SLC66A3: variants seen among roughly 807,000 people sequenced by gnomAD.
SLC66A3 encodes PQ loop repeat containing 3.
A neutral mutation model predicts 25.5 loss-of-function variants in SLC66A3; 23 were observed. The ratio of observed to expected loss-of-function variants is 0.90; its 90% confidence interval spans 0.65 to 1.28. The LOEUF (loss-of-function observed/expected upper bound fraction) is 1.28, where lower values mean the gene tolerates loss of function less well. SLC66A3 is among the 50% of genes most tolerant of loss of function. SLC66A3 has a pLI of 0.00. For synonymous variants in SLC66A3, 108 were observed against 112.6 expected, an observed-to-expected ratio of 0.96 and a Z score of 0.26; for missense variants, 246 against 262.1, an observed-to-expected ratio of 0.94 and a Z score of 0.42.
intron 5 of SLC66A3, among the ~76,000 whole-genome samples, chr2:11,172,521 T>C (rs1198711736): frequency 6.6e-6 from 1 of 152,238 alleles, no homozygotes; most frequent in Non-Finnish European, 1.5e-5. Flanking sequence ...TTACAAAAAC[T>C]ACCTAAAATA....
intron 1 of SLC66A3, among the ~76,000 whole-genome samples, chr2:11,158,827 AG>A (rs1276433629): frequency 6.7e-6 from 1 of 148,346 alleles, no homozygotes; most frequent in Non-Finnish European, 1.5e-5. Context: ...TCAAAAAAAA[AG>A]AAACATTAAA....
chr2:11,177,474 G>A (rs10432407), intron 6 of SLC66A3, among the ~76,000 whole-genome samples: 5 of 149,454 alleles, frequency 3.3e-5, no homozygotes, highest in South Asian at 2.1e-4. Context: ...AAAAAAAAAA[G>A]TTAAAAGTTA....
intron 4 of SLC66A3, among the ~76,000 whole-genome samples, chr2:11,169,420 G>A (rs1452694991): frequency 6.6e-6 from 1 of 152,098 alleles, no homozygotes; most frequent in African/African-American, 2.4e-5. Flanking sequence ...CAAGGCCAGC[G>A]GCTTTCATTC....
chr2:11,164,295 A>G (rs1376645243), intron 4 of SLC66A3, 34 bp downstream of exon 4: 2 of 1,110,960 alleles, frequency 1.8e-6, no homozygotes, highest in Admixed American at 5.2e-5. Flanking sequence ...AGTAGGAGGA[A>G]TAAGCTACCT....
At chr2:11,159,533 T>C (rs1392555931) in intron 1 of SLC66A3, among the ~76,000 whole-genome samples, 1 of 152,204 alleles carries the variant, frequency 6.6e-6, no homozygotes, top group Admixed American at 6.5e-5. Flanking sequence ...AGTTGTGCAC[T>C]GTCAGAAACA....
chr2:11,168,437 T>C (rs1000360592), intron 4 of SLC66A3, among the ~76,000 whole-genome samples: 1 of 152,182 alleles, frequency 6.6e-6, no homozygotes, highest in Non-Finnish European at 1.5e-5. Context: ...CCAACACTAC[T>C]TCAGGACTGT....
At chr2:11,157,036 C>T (rs1661930736) in intron 1 of SLC66A3, among the ~76,000 whole-genome samples, 1 of 152,184 alleles carries the variant, frequency 6.6e-6, no homozygotes, top group African/African-American at 2.4e-5. Flanking sequence ...AAGCTGGACC[C>T]ATGAAGGAAA....
chr2:11,164,137 A>G (rs1662220866), intron 3 of SLC66A3, 67 bp from the exon 4 acceptor site: 7 of 950,864 alleles, frequency 7.4e-6, no homozygotes, highest in Non-Finnish European at 9.9e-6. Context: ...CTTGGTTTGT[A>G]TATGTGAGAT....
At chr2:11,167,813 G>A (rs1572187911) in intron 4 of SLC66A3, among the ~76,000 whole-genome samples, 2 of 152,232 alleles carry the variant, frequency 1.3e-5, no homozygotes, top group Admixed American at 1.3e-4. Flanking sequence ...AGAGAGGAGC[G>A]GGTGCTGCTT....
intron 5 of SLC66A3, 113 bp from the exon 6 acceptor site, chr2:11,174,855 T>G: frequency 1.7e-6 from 1 of 589,630 alleles, no homozygotes; most frequent in Non-Finnish European, 2.8e-6. Flanking sequence ...ATAAAAATAA[T>G]TTAAAAATAA....
chr2:11,168,091 T>C (rs534113660), intron 4 of SLC66A3, among the ~76,000 whole-genome samples: 21 of 152,164 alleles, frequency 1.4e-4, no homozygotes, highest in African/African-American at 3.1e-4. Flanking sequence ...CCATCCTGGC[T>C]AACACGGTGA....
rs769389761 is a variant in SLC66A3, at chr2:11,160,493, T to C, written c.171T>C (p.Cys57=). The C allele has an allele frequency of 6.2e-7, 1 of 1,614,124 alleles. No homozygotes were observed. The highest frequency in any genetic ancestry group is 8.5e-7 in the Non-Finnish European group (1 of 1,180,026). Residue 57 remains cysteine (C), a synonymous_variant, in exon 2 of 7, where the codon TGT becomes TGC. Coordinates refer to ENST00000295083, the MANE Select transcript of SLC66A3 (RefSeq NM_152391.5). ...AGFLVFLRYQ[C]YYGYPPLTYL... is the part of the protein sequence containing the mutation. ...TCCTGGTGTTTCTGCGGTACCAGTG[T>C]TACTATGGGTATCCGCCGCTGACCT... is the stretch of plus-strand genomic sequence containing the variant.
intron 4 of SLC66A3, among the ~76,000 whole-genome samples, chr2:11,165,616 C>T (rs1172736529): frequency 1.6e-4 from 24 of 152,162 alleles, no homozygotes; most frequent in African/African-American, 5.8e-4. Context: ...GACGGGGTGT[C>T]GGCCGGGCAG....
intron 6 of SLC66A3, among the ~76,000 whole-genome samples, chr2:11,175,350 G>T (rs183967885): frequency 2.0e-5 from 3 of 152,380 alleles, no homozygotes; most frequent in Admixed American, 2.0e-4. Context: ...CATCTAAGGA[G>T]AACCTGGCCT....
chr2:11,160,595 C>A, intron 2 of SLC66A3, 30 bp from the exon 3 acceptor site: 2 of 1,614,126 alleles, frequency 1.2e-6, no homozygotes, highest in South Asian at 1.1e-5. Context: ...GTCTCCCCTT[C>A]CCCCCTCACT....
At chr2:11,159,438 G>A (rs941820965) in intron 1 of SLC66A3, among the ~76,000 whole-genome samples, 1 of 152,154 alleles carries the variant, frequency 6.6e-6, no homozygotes, top group African/African-American at 2.4e-5. Flanking sequence ...GGGCACGGTG[G>A]GGGCCCGCAC....
At position 11,164,566 on chromosome 2, in the gene SLC66A3, T is replaced by C. The variant is rs1310074978; in HGVS notation, c.354+305T>C. Among the ~76,000 whole-genome samples, 5 of 151,424 alleles carry C rather than the reference T, an allele frequency of 3.3e-5. No homozygotes were observed. The South Asian group carries it at 6.3e-4, about 19-fold the overall frequency. On this transcript the variant is annotated intron_variant, in intron 4 of 6. Transcript: ENST00000295083. ...TTTTTTTTTTAGTATTTATTGTTAT[T>C]CTTGGGTGTTTCTTGCAGAGGGGGA...
At chr2:11,165,254 A>G (rs1014654253) in intron 4 of SLC66A3, among the ~76,000 whole-genome samples, 6 of 133,962 alleles carry the variant, frequency 4.5e-5, no homozygotes, top group Non-Finnish European at 8.0e-5. Flanking sequence ...GGGGCTCCTC[A>G]CTTCTCAGAG....
intron 4 of SLC66A3, among the ~76,000 whole-genome samples, chr2:11,166,236 G>T (rs1485554264): frequency 6.6e-6 from 1 of 152,150 alleles, no homozygotes; most frequent in Non-Finnish European, 1.5e-5. Context: ...GGTTCATAAT[G>T]GCATGTTGGC....
Sources: allele counts gnomAD v4.1 joint callset (sites outside exome capture counted in the v4.1 genomes callset), GRCh38; gene constraint gnomAD v4.1.1; transcripts MANE v1.5; gene names NCBI Gene and HGNC (gene_info 2026-07-23, HGNC 2026-07-21).